The following SLC16A7 variants were observed in gnomAD, a reference collection of about 807,000 sequenced individuals.
The protein encoded by SLC16A7 is monocarboxylate transporter 2.
SLC16A7 carries 33 observed loss-of-function variants against 34.9 expected under a neutral mutation model. The observed-to-expected ratio is 0.94, with a 90% CI of 0.72 to 1.26. The LOEUF (loss-of-function observed/expected upper bound fraction) is 1.26, where lower values mean the gene tolerates loss of function less well. Among genes scored for constraint, SLC16A7 ranks in the 50% most tolerant of loss-of-function variants. SLC16A7 has a pLI of 0.00. For missense variants in SLC16A7, 573 were observed against 578.1 expected (o/e 0.99, Z 0.09); for synonymous variants, 201 against 206.6 (o/e 0.97, Z 0.23).
Position 59,623,225 on chromosome 12 carries a change from C to T in SLC16A7, c.-130+26989C>T, listed in dbSNP as rs186636160. Among the ~76,000 whole-genome samples the T allele has an allele frequency of 4.6e-5, 7 of 151,772 alleles. No individual in the cohort carries two copies. In the East Asian group the frequency reaches 9.7e-4, roughly 21 times the overall value. On this transcript the variant is annotated intron_variant, in intron 1 of 5. Transcript: ENST00000547379. ...AATAAGCTTTCATCATTGTGCAAATCCCCCATATCCTCACCTTTATTCTAC... is the reference window on the plus strand; with the variant it reads ...AATAAGCTTTCATCATTGTGCAAATTCCCCATATCCTCACCTTTATTCTAC...
At chr12:59,734,814 C>A (rs1403241061) in intron 3 of SLC16A7, among the ~76,000 whole-genome samples, 6 of 152,040 alleles carry the variant, frequency 3.9e-5, no homozygotes, top group Non-Finnish European at 7.4e-5. Context: ...ATGTTAAATT[C>A]AAAAAAATAT....
intron 1 of SLC16A7, among the ~76,000 whole-genome samples, chr12:59,599,723 C>T (rs1037111757): frequency 6.6e-6 from 1 of 152,214 alleles, no homozygotes; most frequent in African/African-American, 2.4e-5. Context: ...CTTTGTTCCC[C>T]TCCTCCCTTC....
intron 1 of SLC16A7, among the ~76,000 whole-genome samples, chr12:59,644,499 G>A (rs1052903899): frequency 1.3e-5 from 2 of 152,056 alleles, no homozygotes; most frequent in Non-Finnish European, 2.9e-5. Context: ...CCTTGGAGGT[G>A]GAAACTGCAG....
At chr12:59,778,506 A>G (rs891922277) in intron 5 of SLC16A7, among the ~76,000 whole-genome samples, 3 of 152,182 alleles carry the variant, frequency 2.0e-5, no homozygotes, top group East Asian at 1.9e-4. Flanking sequence ...ATAGATTTGT[A>G]TACACTAAAT....
intron 1 of SLC16A7, among the ~76,000 whole-genome samples, chr12:59,628,659 T>C (rs1248322773): frequency 6.6e-6 from 1 of 151,634 alleles, no homozygotes; most frequent in Non-Finnish European, 1.5e-5. Context: ...TAAGTGTGCG[T>C]GTGTGTGTGC....
intron 3 of SLC16A7, among the ~76,000 whole-genome samples, chr12:59,730,212 GA>G (rs3084988): frequency 0.19 from 27,262 of 146,220 alleles, 2,540 homozygotes; most frequent in Non-Finnish European, 0.21. Flanking sequence ...CAATACAAAA[GA>G]AAAAAAAAAA....
At position 59,596,464 on chromosome 12, in the gene SLC16A7, T is replaced by A. The variant is rs1306195777; in HGVS notation, c.-130+228T>A. On this transcript the variant is annotated intron_variant, in intron 1 of 5. Coordinates refer to ENST00000547379, the MANE Select transcript of SLC16A7 (RefSeq NM_001270623.2). This position sits in a 1 kb window ranked among gnomAD's most constrained non-coding sequence, Gnocchi z 5.0. ...CGGGAGCAGAGCTCGCGTCAGCCAG[T>A]GCGCGCCGACAGCTGCCCGGGAACT... 1.8e-4 allele frequency among the ~76,000 whole-genome samples: 27 copies of A among 151,174 alleles called. No homozygotes were observed. Among genetic ancestry groups the A allele is most frequent in the African/African-American group, 6.1e-4 (25 of 41,012 alleles).
intron 2 of SLC16A7, among the ~76,000 whole-genome samples, chr12:59,697,538 A>T (rs1340628169): frequency 6.6e-6 from 1 of 151,792 alleles, no homozygotes; most frequent in Non-Finnish European, 1.5e-5. Flanking sequence ...CTGAATTTGG[A>T]TGGTGGCCTC....
At chr12:59,656,269 G>A (rs143082568) in intron 2 of SLC16A7, among the ~76,000 whole-genome samples, 13 of 152,048 alleles carry the variant, frequency 8.5e-5, no homozygotes, top group African/African-American at 2.9e-4. Context: ...AATATGTTAT[G>A]TTACATGGTA....
At chr12:59,640,445 A>G (rs780402674) in intron 1 of SLC16A7, among the ~76,000 whole-genome samples, 2 of 152,102 alleles carry the variant, frequency 1.3e-5, no homozygotes, top group African/African-American at 4.8e-5. Context: ...GAGAAAAAAT[A>G]ATTTAGAATT....
At chr12:59,773,605 G>A (rs749076730) in intron 4 of SLC16A7, among the ~76,000 whole-genome samples, 4 of 148,926 alleles carry the variant, frequency 2.7e-5, no homozygotes, top group African/African-American at 5.0e-5. Flanking sequence ...TTGCTCTGTC[G>A]CCAGGCTGGA....
intron 3 of SLC16A7, among the ~76,000 whole-genome samples, chr12:59,720,776 C>G (rs1025121714): frequency 1.3e-5 from 2 of 152,042 alleles, no homozygotes; most frequent in African/African-American, 4.8e-5. Context: ...GCATTGTTTT[C>G]TAGTACTGCA....
intron 3 of SLC16A7, among the ~76,000 whole-genome samples, chr12:59,750,860 C>T (rs1216174247): frequency 6.6e-6 from 1 of 152,130 alleles, no homozygotes; most frequent in Non-Finnish European, 1.5e-5. Context: ...CGCATATACA[C>T]CATGGAATAC....
At position 59,788,276 on chromosome 12, in the gene SLC16A7, T is replaced by C. The variant is rs1031899964; in HGVS notation, c.*8597T>C. ...ATCCAGCTAACTTTTGCAAGAATTTTTTAAGGGATTAGATTTAGGGGTTAA... is the reference window on the plus strand; with the variant it reads ...ATCCAGCTAACTTTTGCAAGAATTTCTTAAGGGATTAGATTTAGGGGTTAA... On this transcript the variant is annotated 3_prime_UTR_variant, in exon 6 of 6. Transcript: ENST00000547379. 8.5e-5 allele frequency: 13 copies of C among 152,166 alleles called. No individual in the cohort carries two copies. The highest frequency in any genetic ancestry group is 1.3e-4 in the Non-Finnish European group (9 of 67,992). The allele number at this position is 152,166 out of a possible 1,614,324, so 9.4% of individuals were successfully genotyped here.
chr12:59,613,401 C>T (rs939999762), intron 1 of SLC16A7, among the ~76,000 whole-genome samples: 1 of 152,138 alleles, frequency 6.6e-6, no homozygotes, highest in Non-Finnish European at 1.5e-5. Context: ...GGGGACACAA[C>T]CAAATTATAT....
intron 3 of SLC16A7, among the ~76,000 whole-genome samples, chr12:59,763,083 T>C (rs1215320225): frequency 6.6e-6 from 1 of 152,082 alleles, no homozygotes; most frequent in Non-Finnish European, 1.5e-5. Flanking sequence ...ATTATACTTT[T>C]ATAGCAGATT....
chr12:59,614,971 C>G lies in SLC16A7; in HGVS notation c.-130+18735C>G, dbSNP rs1879378877. Reference sequence around the variant, plus strand: ...TGAGCCGAGATCGCACCACTGCACTCCAGCCTGGTCGACAGAGCAAGGATC... The same window carrying G: ...TGAGCCGAGATCGCACCACTGCACTGCAGCCTGGTCGACAGAGCAAGGATC... On this transcript the variant is annotated intron_variant, in intron 1 of 5. Transcript: ENST00000547379. Among the ~76,000 whole-genome samples the G allele has an allele frequency of 2.6e-5, 4 of 151,580 alleles. No homozygotes were observed. In the South Asian group the frequency reaches 8.4e-4, roughly 32 times the overall value.
intron 1 of SLC16A7, among the ~76,000 whole-genome samples, chr12:59,646,707 CA>C (rs1760441588): frequency 6.6e-6 from 1 of 152,130 alleles, no homozygotes; most frequent in Admixed American, 6.5e-5. Context: ...TTGCATTGTG[CA>C]CCTGGAAAAG....
intron 4 of SLC16A7, 67 bp downstream of exon 4, chr12:59,771,429 G>T: frequency 1.8e-6 from 2 of 1,102,770 alleles, no homozygotes; most frequent in South Asian, 2.4e-5. Context: ...TGAGAAGAAT[G>T]AACAACAGAA....
Sources: gnomAD v4.1 joint callset for allele counts (sites outside exome capture counted in the v4.1 genomes callset) on GRCh38, gnomAD v4.1.1 for gene constraint, Gnocchi (gnomAD v3.1) non-coding constraint, MANE v1.5 for transcripts, NCBI Gene and HGNC (gene_info 2026-07-23, HGNC 2026-07-21) for gene names.